GLIS3: variants seen among roughly 807,000 people sequenced by gnomAD.
GLIS3 encodes the protein zinc finger protein GLIS3.
In GLIS3, 53 loss-of-function variants were observed where a neutral mutation model predicts 78.6. The ratio of observed to expected loss-of-function variants is 0.67; its 90% CI spans 0.54 to 0.85. GLIS3 has a LOEUF of 0.85. Ranked by LOEUF, GLIS3 falls within the 40% of genes least tolerant of loss-of-function variation. GLIS3 has a pLI of 0.00. For missense variants in GLIS3, 1,703 were observed against 1,231.1 expected (o/e 1.38, Z -5.74); for synonymous variants, 684 against 509.9 (o/e 1.34, Z -4.60).
chr9:4,473,368 C>A, the GLIS3 span, among the ~76,000 whole-genome samples: 1 of 150,096 alleles, frequency 6.7e-6, no homozygotes, highest in African/African-American at 2.4e-5. Context: ...ATCGTTTGAA[C>A]CTGGGAGGCA....
intron 4 of GLIS3, among the ~76,000 whole-genome samples, chr9:3,970,402 G>A (rs1457919447): frequency 3.9e-5 from 6 of 152,138 alleles, no homozygotes; most frequent in Non-Finnish European, 8.8e-5. Flanking sequence ...TCATGGAACA[G>A]GAAGTCCAAA....
chr9:4,444,977 C>A, the GLIS3 span, among the ~76,000 whole-genome samples: 1 of 152,286 alleles, frequency 6.6e-6, no homozygotes, highest in East Asian at 1.9e-4. Context: ...TCACATGGAA[C>A]CTCTCCCGTT....
chr9:4,205,472 G>C lies in GLIS3; in HGVS notation c.389-79531C>G, dbSNP rs183967779. 2.0e-5 allele frequency among the ~76,000 whole-genome samples: 3 copies of C among 152,348 alleles called. No homozygotes were observed. In the East Asian group the frequency reaches 5.8e-4, roughly 29 times the overall value. On this transcript the variant is annotated intron_variant, in intron 2 of 10. Coordinates refer to ENST00000381971, the MANE Select transcript of GLIS3 (RefSeq NM_001042413.2). Reference sequence around the variant, plus strand: ...TATGTTCTGGGGATTCTGAGAAAAAGACATGCTGTCTCTTCCCTGGAAGAT... The same window carrying C: ...TATGTTCTGGGGATTCTGAGAAAAACACATGCTGTCTCTTCCCTGGAAGAT...
At chr9:4,211,989 G>A (rs1820419342) in intron 2 of GLIS3, among the ~76,000 whole-genome samples, 1 of 152,178 alleles carries the variant, frequency 6.6e-6, no homozygotes, top group African/African-American at 2.4e-5. Context: ...GAGACAGAAA[G>A]TAGATTAGTG....
intron 4 of GLIS3, among the ~76,000 whole-genome samples, chr9:4,101,254 A>G (rs139221763): frequency 3.9e-5 from 6 of 152,312 alleles, no homozygotes; most frequent in African/African-American, 1.2e-4. Context: ...GAGATTATGC[A>G]TGGGACAGTG....
intron 4 of GLIS3, among the ~76,000 whole-genome samples, chr9:4,116,499 C>A (rs1831650553): frequency 6.6e-6 from 1 of 152,186 alleles, no homozygotes; most frequent in Admixed American, 6.5e-5. Context: ...AATGCAATTC[C>A]ATTCCACAAG....
At chr9:4,372,193 T>G in the GLIS3 span, among the ~76,000 whole-genome samples, 1 of 152,186 alleles carries the variant, frequency 6.6e-6, no homozygotes, top group South Asian at 2.1e-4. Flanking sequence ...GAGTGCCAGT[T>G]TCATCATGTA....
At chr9:4,266,079 C>T (rs889030429) in intron 2 of GLIS3, among the ~76,000 whole-genome samples, 9 of 151,880 alleles carry the variant, frequency 5.9e-5, no homozygotes, top group East Asian at 1.9e-4. Context: ...CCACCATGCC[C>T]GGCTAATTTT....
chr9:4,295,773 T>C (rs957625898), intron 1 of GLIS3, among the ~76,000 whole-genome samples: 20 of 152,326 alleles, frequency 1.3e-4, no homozygotes, highest in African/African-American at 4.8e-4. Context: ...GGATATTTCA[T>C]CTCAATAGAA....
At chr9:4,235,736 T>G (rs1822672415) in intron 2 of GLIS3, among the ~76,000 whole-genome samples, 1 of 152,168 alleles carries the variant, frequency 6.6e-6, no homozygotes, top group Admixed American at 6.5e-5. Context: ...TCTGTTATCT[T>G]GGATGAAAAC....
intron 6 of GLIS3, among the ~76,000 whole-genome samples, chr9:3,931,723 G>C (rs1825633411): frequency 6.6e-6 from 1 of 152,194 alleles, no homozygotes; most frequent in South Asian, 2.1e-4. Flanking sequence ...AGGATGGTTG[G>C]TCTCTAACAT....
At chr9:4,367,270 C>G in the GLIS3 span, among the ~76,000 whole-genome samples, 1 of 152,216 alleles carries the variant, frequency 6.6e-6, no homozygotes, top group Non-Finnish European at 1.5e-5. Flanking sequence ...GTTGAACTCT[C>G]TCCCTTCAGC....
chr9:4,343,967 T>C (rs1817870606), intron 2 of GLIS3, among the ~76,000 whole-genome samples: 1 of 152,202 alleles, frequency 6.6e-6, no homozygotes, highest in African/African-American at 2.4e-5. Context: ...TATTAGGTAC[T>C]GTGCTTATTA....
At chr9:4,273,002 T>G (rs532668794) in intron 2 of GLIS3, among the ~76,000 whole-genome samples, 1 of 152,350 alleles carries the variant, frequency 6.6e-6, no homozygotes, top group South Asian at 2.1e-4. Context: ...TTCACCTCAG[T>G]GCATGTGTAT....
chr9:4,473,708 T>C, the GLIS3 span, among the ~76,000 whole-genome samples: 1 of 151,900 alleles, frequency 6.6e-6, no homozygotes, highest in Admixed American at 6.6e-5. Context: ...GGTGACAAAA[T>C]AATCTGTACA....
the GLIS3 span, among the ~76,000 whole-genome samples, chr9:4,358,364 C>G: frequency 2.0e-5 from 3 of 152,042 alleles, no homozygotes; most frequent in Middle Eastern, 6.8e-3. Flanking sequence ...TAAATTTATT[C>G]AATAATTATC....
chr9:3,989,321 A>C (rs984556976), intron 4 of GLIS3, among the ~76,000 whole-genome samples: 1 of 152,224 alleles, frequency 6.6e-6, no homozygotes, highest in South Asian at 2.1e-4. Context: ...AGGTACAGGC[A>C]CTCTGGAAAA....
chr9:4,081,300 T>A (rs1334354559), intron 4 of GLIS3: 1 of 152,226 alleles, frequency 6.6e-6, no homozygotes, highest in African/African-American at 2.4e-5. Flanking sequence ...CCTCACCACA[T>A]TAACCCTTTT....
intron 2 of GLIS3, among the ~76,000 whole-genome samples, chr9:4,338,389 TACACACACACACACAC>T (rs202090144): frequency 1.4e-5 from 2 of 147,466 alleles, no homozygotes; most frequent in African/African-American, 5.1e-5. Context: ...CACACACACA[TACACACACACACACAC>T]ACACAATTTT....
Sources: allele counts gnomAD v4.1 joint callset (sites outside exome capture counted in the v4.1 genomes callset), GRCh38; gene constraint gnomAD v4.1.1; transcripts MANE v1.5; gene names NCBI Gene and HGNC (gene_info 2026-07-23, HGNC 2026-07-21).